The following PLCZ1 variants were observed in gnomAD, a reference collection of about 807,000 sequenced individuals.
The protein encoded by PLCZ1 is 1-phosphatidylinositol 4,5-bisphosphate phosphodiesterase zeta-1.
PLCZ1 carries 64 observed loss-of-function variants against 76.8 expected under a neutral mutation model. That is an observed-to-expected ratio of 0.83 (90% confidence interval 0.68 to 1.03). The LOEUF is 1.03. Among genes scored for constraint, PLCZ1 ranks in the 50% least tolerant of loss-of-function variants. PLCZ1 has a pLI of 0.00. For missense variants in PLCZ1, 751 were observed against 713.7 expected (o/e 1.05, Z -0.60); for synonymous variants, 248 against 230.8 (o/e 1.07, Z -0.68).
chr12:18,698,448 G>A (rs1034241992), intron 10 of PLCZ1, among the ~76,000 whole-genome samples: 5 of 152,064 alleles, frequency 3.3e-5, no homozygotes, highest in Admixed American at 2.0e-4. Flanking sequence ...CTCTCTAATA[G>A]ATAGTTAGAG....
chr12:18,701,431 A>T, intron 9 of PLCZ1, 70 bp downstream of exon 9: 1 of 1,604,818 alleles, frequency 6.2e-7, no homozygotes, highest in Middle Eastern at 1.7e-4. Context: ...AGAATTTTAA[A>T]AAAATCTCCA....
chr12:18,683,566 A>G (rs1230070627), intron 14 of PLCZ1: 4 of 1,476,356 alleles, frequency 2.7e-6, no homozygotes, highest in African/African-American at 2.8e-5. Context: ...AAAGCGCTGC[A>G]TGATCCAAAA....
At chr12:18,720,619 T>C (rs1446461104) in intron 4 of PLCZ1, among the ~76,000 whole-genome samples, 2 of 151,936 alleles carry the variant, frequency 1.3e-5, no homozygotes, top group African/African-American at 4.8e-5. Context: ...CTAAAATTTT[T>C]AGTTGCTATT....
chr12:18,710,322 G>A (rs1957147823), intron 6 of PLCZ1, among the ~76,000 whole-genome samples: 1 of 151,080 alleles, frequency 6.6e-6, no homozygotes, highest in South Asian at 2.1e-4. Flanking sequence ...GCAAATATTT[G>A]GGAAGAGTAT....
the PLCZ1 span, among the ~76,000 whole-genome samples, chr12:18,651,180 C>T: frequency 4.6e-5 from 7 of 152,044 alleles, no homozygotes; most frequent in African/African-American, 1.7e-4. Context: ...ACTCCAGGCA[C>T]GCTTCATCCC....
chr12:18,694,265 T>C (rs1053500120), intron 12 of PLCZ1, among the ~76,000 whole-genome samples: 2 of 152,132 alleles, frequency 1.3e-5, no homozygotes, highest in Non-Finnish European at 2.9e-5. Flanking sequence ...GGGTGGCCTG[T>C]CTGTTGGTCA....
At chr12:18,690,664 G>A (rs1316777979) in intron 12 of PLCZ1, among the ~76,000 whole-genome samples, 4 of 152,164 alleles carry the variant, frequency 2.6e-5, no homozygotes, top group Admixed American at 6.6e-5. Flanking sequence ...GCTATGAAAA[G>A]AAGCACAGCT....
At chr12:18,683,024 A>G (rs1952573179), downstream of PLCZ1, 3 of 543,774 alleles carry the variant, frequency 5.5e-6, no homozygotes, top group East Asian at 9.4e-5. Context: ...GAAATCAGCA[A>G]ACAAGAACGC....
At chr12:18,677,921 T>C in the PLCZ1 span, among the ~76,000 whole-genome samples, 2 of 152,132 alleles carry the variant, frequency 1.3e-5, no homozygotes, top group African/African-American at 2.4e-5. Context: ...TCATGTGTGC[T>C]TGTGTATGTG....
At chr12:18,650,621 T>G in the PLCZ1 span, among the ~76,000 whole-genome samples, 1 of 144,850 alleles carries the variant, frequency 6.9e-6, no homozygotes, top group Admixed American at 6.9e-5. Flanking sequence ...CGGGCTCACT[T>G]GAAATACACG....
In PLCZ1 at chr12:18,696,073, C is replaced by T. The variant is rs1012903569; in HGVS notation, c.1291+77G>A. 4.2e-5 allele frequency: 34 copies of T among 809,496 alleles called. No individual in the cohort carries two copies. The Middle Eastern group carries it at 2.2e-3, about 53-fold the overall frequency. 50.1% of individuals were successfully genotyped at this position (809,496 alleles called of 1,614,324 possible). A position where few individuals can be genotyped will look rare whatever the true frequency, so the allele number is the denominator to read the frequency against. Reference sequence around the variant, plus strand: ...AATCTTTTACAGAAAGCCCTTTTCACGAGTTTTTCATACATTCATAAAATG... The same window carrying T: ...AATCTTTTACAGAAAGCCCTTTTCATGAGTTTTTCATACATTCATAAAATG... On this transcript the variant is annotated intron_variant, in intron 11 of 14. Coordinates refer to ENST00000266505, the MANE Select transcript of PLCZ1 (RefSeq NM_033123.4).
At chr12:18,733,145 T>C (rs549031523) in intron 3 of PLCZ1, among the ~76,000 whole-genome samples, 1 of 152,322 alleles carries the variant, frequency 6.6e-6, no homozygotes, top group East Asian at 1.9e-4. Flanking sequence ...ATAATAATCA[T>C]TCTTACAGGT....
chr12:18,654,904 G>A, the PLCZ1 span, among the ~76,000 whole-genome samples: 1 of 152,108 alleles, frequency 6.6e-6, no homozygotes, highest in African/African-American at 2.4e-5. Flanking sequence ...GTCAGAGAGT[G>A]AAGGGAAAGG....
At chr12:18,661,376 A>G in the PLCZ1 span, among the ~76,000 whole-genome samples, 146 of 151,424 alleles carry the variant, frequency 9.6e-4, no homozygotes, top group African/African-American at 3.3e-3. Context: ...AATAAAAAAA[A>G]AGAGAGAGAG....
At chr12:18,698,101 C>T (rs73060541) in intron 10 of PLCZ1, among the ~76,000 whole-genome samples, 12,703 of 151,492 alleles carry the variant, frequency 0.084, 652 homozygotes, top group African/African-American at 0.14. Flanking sequence ...CATGAAGGAA[C>T]AGAGACCAGT....
At chr12:18,718,943 A>G (rs1377446375) in intron 5 of PLCZ1, among the ~76,000 whole-genome samples, 1 of 152,228 alleles carries the variant, frequency 6.6e-6, no homozygotes, top group African/African-American at 2.4e-5. Context: ...TTTTTAATCT[A>G]TGTAAACTCT....
chr12:18,656,649 T>A, the PLCZ1 span, among the ~76,000 whole-genome samples: 1 of 152,070 alleles, frequency 6.6e-6, no homozygotes, highest in Non-Finnish European at 1.5e-5. Context: ...GGTGGAAGGA[T>A]TGCTTGAGGC....
At chr12:18,691,020 A>T (rs192481529) in intron 12 of PLCZ1, among the ~76,000 whole-genome samples, 1 of 152,336 alleles carries the variant, frequency 6.6e-6, no homozygotes, top group Non-Finnish European at 1.5e-5. Context: ...GGACTGAGAC[A>T]GGCTACCTGA....
At chr12:18,695,179 A>G in intron 11 of PLCZ1, 100 bp from the exon 12 acceptor site, 1 of 1,203,586 alleles carries the variant, frequency 8.3e-7, no homozygotes, top group Non-Finnish European at 1.2e-6. Context: ...CTATGTCCCC[A>G]AATGTTCTAT....
Sources: allele counts gnomAD v4.1 joint callset (sites outside exome capture counted in the v4.1 genomes callset), GRCh38; gene constraint gnomAD v4.1.1; transcripts MANE v1.5; gene names NCBI Gene and HGNC (gene_info 2026-07-23, HGNC 2026-07-21).